Variants in CACNA2D1 observed in about 807,000 individuals in gnomAD.
The protein encoded by CACNA2D1 is voltage-dependent calcium channel subunit alpha-2/delta-1.
CACNA2D1 carries 53 observed loss-of-function variants against 171.5 expected under a neutral mutation model. The ratio of observed to expected loss-of-function variants is 0.31; its 90% CI spans 0.25 to 0.39. The LOEUF is 0.39. Among genes scored for constraint, CACNA2D1 ranks in the 10% least tolerant of loss-of-function variants. The pLI, the probability that CACNA2D1 is intolerant of heterozygous loss-of-function variation, is 1.00. For synonymous variants in CACNA2D1, 442 were observed against 443.1 expected, an observed-to-expected ratio of 1.00 and a Z score of 0.03; for missense variants, 903 against 1,299.8, an observed-to-expected ratio of 0.69 and a Z score of 4.69.
At chr7:82,271,395 C>T (rs1326682167) in intron 3 of CACNA2D1, among the ~76,000 whole-genome samples, 3 of 151,958 alleles carry the variant, frequency 2.0e-5, no homozygotes, top group African/African-American at 7.2e-5. Flanking sequence ...AATTTTATTT[C>T]CTTTATCATC....
chr7:82,116,296 G>C (rs913924340), intron 6 of CACNA2D1, among the ~76,000 whole-genome samples: 1 of 150,576 alleles, frequency 6.6e-6, no homozygotes, highest in Non-Finnish European at 1.5e-5. Context: ...CTGTCTTTTG[G>C]AAAATTCCTA....
chr7:82,163,956 G>C (rs1563142347), intron 4 of CACNA2D1, among the ~76,000 whole-genome samples: 1 of 151,854 alleles, frequency 6.6e-6, no homozygotes, highest in African/African-American at 2.4e-5. Flanking sequence ...GGAGATCACA[G>C]AGCCAAGAGT....
chr7:82,002,021 CAAAAAAAAAAAA>C (rs35861959), intron 18 of CACNA2D1, among the ~76,000 whole-genome samples: 1 of 89,438 alleles, frequency 1.1e-5, no homozygotes, highest in Non-Finnish European at 2.1e-5. Context: ...ATTGATTTGA[CAAAAAAAAAAAA>C]AAAAAAAAAA....
intron 7 of CACNA2D1, among the ~76,000 whole-genome samples, chr7:82,076,962 C>T (rs1451894149): frequency 2.0e-5 from 3 of 152,046 alleles, no homozygotes; most frequent in Non-Finnish European, 4.4e-5. Context: ...GTTCATAAAC[C>T]TCTTATATGA....
At chr7:82,340,871 G>T (rs1473108593) in intron 2 of CACNA2D1, among the ~76,000 whole-genome samples, 1 of 152,082 alleles carries the variant, frequency 6.6e-6, no homozygotes, top group Non-Finnish European at 1.5e-5. Context: ...GGGATTAAAA[G>T]AAAGTGTTAC....
chr7:81,964,220 C>A lies in CACNA2D1; in HGVS notation c.2714G>T (p.Arg905Leu). Residue 905 changes from arginine (R) to leucine (L), a missense_variant, in exon 33 of 39, where the codon CGC becomes CTC. Around this residue, in one of 5 missense-constraint regions of CACNA2D1, gnomAD observed 623 missense variants for 925.5 expected, o/e 0.67. Transcript: ENST00000356860. ...GATATTACTGACCACATATGCTGAG[C>A]GATGTCCTGCTCCTTGTTTTGGTGC... is the stretch of plus-strand genomic sequence containing the variant. ...GAAPKQGAGH[R>L]SAYVPSVADI... 6.2e-7 allele frequency: 1 copy of A among 1,612,780 alleles called. No homozygotes were observed.
intron 18 of CACNA2D1, 149 bp from the exon 19 acceptor site, chr7:81,997,399 T>C: frequency 2.4e-6 from 1 of 409,540 alleles, no homozygotes; most frequent in South Asian, 3.3e-5. Context: ...ATATATTTTA[T>C]ATATATATAT....
chr7:81,952,365 A>C (rs1159276702), intron 38 of CACNA2D1, among the ~76,000 whole-genome samples: 2 of 152,072 alleles, frequency 1.3e-5, no homozygotes, highest in Non-Finnish European at 2.9e-5. Flanking sequence ...GCCACACAGT[A>C]AATAAAATTA....
At chr7:82,281,542 A>T (rs1810100357) in intron 3 of CACNA2D1, among the ~76,000 whole-genome samples, 1 of 152,212 alleles carries the variant, frequency 6.6e-6, no homozygotes, top group African/African-American at 2.4e-5. Context: ...CACATAGATT[A>T]AAAAGCAACA....
At chr7:81,951,400 A>G (rs550975299) in intron 38 of CACNA2D1, among the ~76,000 whole-genome samples, 7 of 152,076 alleles carry the variant, frequency 4.6e-5, no homozygotes, top group African/African-American at 1.7e-4. Context: ...TTTTGGTTAC[A>G]TGGATAATTC....
At chr7:82,032,635 TCTAATACAC>T (rs1466336079) in intron 12 of CACNA2D1, among the ~76,000 whole-genome samples, 153 bp downstream of exon 12, 2 of 151,828 alleles carry the variant, frequency 1.3e-5, no homozygotes, top group Non-Finnish European at 2.9e-5. Context: ...TTAACAGCTC[TCTAATACAC>T]CTATTAGTTT....
chr7:82,276,581 G>C (rs1433302460), intron 3 of CACNA2D1, among the ~76,000 whole-genome samples: 1 of 152,080 alleles, frequency 6.6e-6, no homozygotes, highest in African/African-American at 2.4e-5. Flanking sequence ...TTTAAGTTTA[G>C]TTCTTAATTC....
At chr7:82,381,050 C>T (rs1823645974) in intron 1 of CACNA2D1, among the ~76,000 whole-genome samples, 1 of 151,844 alleles carries the variant, frequency 6.6e-6, no homozygotes, top group Non-Finnish European at 1.5e-5. Flanking sequence ...TGGTGGCTCA[C>T]GCCTGTAATC....
At chr7:82,021,382 T>C (rs1168620617) in intron 12 of CACNA2D1, among the ~76,000 whole-genome samples, 2 of 152,094 alleles carry the variant, frequency 1.3e-5, no homozygotes, top group Non-Finnish European at 2.9e-5. Context: ...TCCCTACTTA[T>C]AAGATGACAT....
In CACNA2D1 at chr7:81,953,761, A is replaced by G. The variant is rs148527357; in HGVS notation, c.3160-3253T>C. Among the ~76,000 whole-genome samples the G allele has an allele frequency of 3.4e-4, 52 of 152,278 alleles. 2 individuals carry two copies. In the East Asian group the frequency reaches 9.8e-3, roughly 29 times the overall value. ...CCAGTTATGATTAAGTGTTAATTTG[A>G]ATAAAAATTACCACACAAGACCCAT... On this transcript the variant is annotated intron_variant, in intron 38 of 38. Coordinates refer to ENST00000356860, the MANE Select transcript of CACNA2D1 (RefSeq NM_000722.4).
At chr7:82,285,653 T>C (rs73164265) in intron 3 of CACNA2D1, among the ~76,000 whole-genome samples, 8,181 of 152,202 alleles carry the variant, frequency 0.054, 306 homozygotes, top group South Asian at 0.087. Flanking sequence ...AATTGAACCC[T>C]TTGAAGAGTA....
chr7:82,414,932 T>A (rs1158324419), intron 1 of CACNA2D1, among the ~76,000 whole-genome samples: 1 of 152,184 alleles, frequency 6.6e-6, no homozygotes, highest in Non-Finnish European at 1.5e-5. Flanking sequence ...TATCTTAACT[T>A]AAAATGTCCC....
At chr7:82,332,524 A>AAGAGAAAGAAAGAAAGAAAGAAAG (rs3054695) in intron 3 of CACNA2D1, among the ~76,000 whole-genome samples, 25 of 139,834 alleles carry the variant, frequency 1.8e-4, no homozygotes, top group African/African-American at 3.0e-5. Context: ...GAAAGAAAGA[A>AAGAGAAAGAAAGAAAGAAAGAAAG]AGAAAGAAAG....
chr7:82,162,407 C>T lies in CACNA2D1; in HGVS notation c.354+8143G>A, dbSNP rs141762441. ...GAAGATAGCATAAGAAAGAAATCCA[C>T]GGCTAGGCTGGTTTGGAAGGTTGTA... On this transcript the variant is annotated intron_variant, in intron 4 of 38. Transcript: ENST00000356860. Among the ~76,000 whole-genome samples, 752 of 152,002 alleles carry T rather than the reference C, an allele frequency of 4.9e-3. 4 individuals are homozygous for T. Among genetic ancestry groups the T allele is most frequent in the African/African-American group, 0.018 (730 of 41,488 alleles).
Sources: gnomAD v4.1 joint callset for allele counts (sites outside exome capture counted in the v4.1 genomes callset) on GRCh38, gnomAD v4.1.1 for gene constraint, gnomAD v4.1.1 regional missense constraint, MANE v1.5 for transcripts, NCBI Gene and HGNC (gene_info 2026-07-23, HGNC 2026-07-21) for gene names.